ADAMTSL3: variants seen among roughly 807,000 people sequenced by gnomAD.
The protein encoded by ADAMTSL3 is ADAMTS like 3, also known as ADAMTS-like protein 3.
Under a neutral mutation model 201.7 loss-of-function variants are expected in ADAMTSL3, and 128 were observed. The ratio of observed to expected loss-of-function variants is 0.63; its 90% CI spans 0.55 to 0.73. The LOEUF (loss-of-function observed/expected upper bound fraction) is 0.73. ADAMTSL3 is among the 30% of genes least tolerant of loss of function. ADAMTSL3 has a pLI of 0.00. For missense variants in ADAMTSL3, 1,990 were observed against 2,119.6 expected, an observed-to-expected ratio of 0.94 and a Z score of 1.20; for synonymous variants, 738 against 748.4, an observed-to-expected ratio of 0.99 and a Z score of 0.23.
At chr15:83,743,850 CAT>C (rs1413262894) in intron 3 of ADAMTSL3, among the ~76,000 whole-genome samples, 6 of 152,004 alleles carry the variant, frequency 3.9e-5, no homozygotes, top group Non-Finnish European at 8.8e-5. Context: ...TTCCTTAACT[CAT>C]ATATCTTTTT....
At chr15:83,869,198 T>A (rs1261870429) in intron 8 of ADAMTSL3, among the ~76,000 whole-genome samples, 15 of 152,234 alleles carry the variant, frequency 9.9e-5, no homozygotes, top group Admixed American at 6.5e-4. Context: ...ATTGCCTTAA[T>A]GCTCTTATTG....
At chr15:83,888,069 CT>C (rs1212817885) in intron 10 of ADAMTSL3, among the ~76,000 whole-genome samples, 1 of 152,160 alleles carries the variant, frequency 6.6e-6, no homozygotes, top group Non-Finnish European at 1.5e-5. Context: ...GGTGTTTCTC[CT>C]ACTTGGGTGC....
At chr15:83,898,046 TTTCCAGCTCC>T in intron 14 of ADAMTSL3, 41 bp downstream of exon 14, 1 of 1,557,494 alleles carries the variant, frequency 6.4e-7, no homozygotes, top group Non-Finnish European at 8.7e-7. Context: ...CAAATGGTAT[TTTCCAGCTCC>T]CATTCCAATA....
At chr15:83,680,642 A>G (rs75549342) in intron 2 of ADAMTSL3, among the ~76,000 whole-genome samples, 10,661 of 151,532 alleles carry the variant, frequency 0.07, 584 homozygotes, top group East Asian at 0.18. Context: ...GTACTGTTTA[A>G]TCATCTTTTA....
chr15:83,690,990 A>G (rs979267348), intron 2 of ADAMTSL3, among the ~76,000 whole-genome samples: 1 of 152,130 alleles, frequency 6.6e-6, no homozygotes, highest in African/African-American at 2.4e-5. Context: ...CTAGGGTTCA[A>G]TGTTGATTCT....
At chr15:83,763,756 T>C (rs1027499836) in intron 3 of ADAMTSL3, among the ~76,000 whole-genome samples, 3 of 152,138 alleles carry the variant, frequency 2.0e-5, no homozygotes, top group South Asian at 2.1e-4. Context: ...CCGCCCGCCT[T>C]GGCCTCCCAA....
chr15:83,677,681 A>G (rs909121067), intron 2 of ADAMTSL3, among the ~76,000 whole-genome samples: 3 of 151,960 alleles, frequency 2.0e-5, no homozygotes, highest in Admixed American at 1.3e-4. Context: ...TCTTATAGAG[A>G]GCATATGGTT....
At chr15:83,942,575 C>T in intron 17 of ADAMTSL3, 21 bp from the exon 18 acceptor site, 1 of 1,603,668 alleles carries the variant, frequency 6.2e-7, no homozygotes, top group East Asian at 2.2e-5. Flanking sequence ...TTCAACTTTC[C>T]CCACTTGTTT....
chr15:83,736,673 A>C (rs2062373496), intron 3 of ADAMTSL3, among the ~76,000 whole-genome samples: 1 of 152,216 alleles, frequency 6.6e-6, no homozygotes, highest in Non-Finnish European at 1.5e-5. Flanking sequence ...GTTGGAGCTG[A>C]GCAGTGCATG....
intron 20 of ADAMTSL3, among the ~76,000 whole-genome samples, chr15:83,981,022 A>T (rs1331905742): frequency 1.3e-5 from 2 of 152,246 alleles, no homozygotes; most frequent in African/African-American, 2.4e-5. Flanking sequence ...TCCCCATTGC[A>T]TGACCTTCTA....
chr15:83,891,491 G>C, intron 12 of ADAMTSL3, 112 bp downstream of exon 12: 1 of 872,680 alleles, frequency 1.1e-6, no homozygotes, highest in Non-Finnish European at 1.8e-6. Flanking sequence ...ATACTTTATA[G>C]AGCTAAGGGA....
intron 2 of ADAMTSL3, among the ~76,000 whole-genome samples, chr15:83,688,514 A>G (rs191673416): frequency 7.8e-5 from 11 of 140,244 alleles, no homozygotes; most frequent in African/African-American, 2.7e-4. Context: ...TTGATAACAG[A>G]CTCTTTTTTT....
At chr15:83,782,509 A>C (rs1596198173) in intron 4 of ADAMTSL3, among the ~76,000 whole-genome samples, 2 of 152,266 alleles carry the variant, frequency 1.3e-5, no homozygotes, top group East Asian at 3.9e-4. Flanking sequence ...GGATAAAGAA[A>C]ATGTGGTACA....
rs144185884 is a variant in ADAMTSL3, at chr15:83,896,715, C to T, written c.1468-1143C>T. 1.2e-3 allele frequency among the ~76,000 whole-genome samples: 186 copies of T among 151,872 alleles called. 1 individual carries two copies. Among genetic ancestry groups the T allele is most frequent in the African/African-American group, 4.1e-3 (169 of 41,388 alleles). ...TATAGTCTATCAATTTTTTTTAATGCGTACATATATACACTCCCCAACATG... is the reference window on the plus strand; with the variant it reads ...TATAGTCTATCAATTTTTTTTAATGTGTACATATATACACTCCCCAACATG... On this transcript the variant is annotated intron_variant, in intron 13 of 29. Coordinates refer to ENST00000286744, the MANE Select transcript of ADAMTSL3 (RefSeq NM_207517.3).
At chr15:83,965,504 C>T (rs976502207) in intron 19 of ADAMTSL3, among the ~76,000 whole-genome samples, 1 of 152,124 alleles carries the variant, frequency 6.6e-6, no homozygotes, top group Admixed American at 6.5e-5. Flanking sequence ...TATACATGCA[C>T]CCAATACAGG....
chr15:84,035,356 T>C (rs1161074742), intron 28 of ADAMTSL3, among the ~76,000 whole-genome samples: 1 of 152,232 alleles, frequency 6.6e-6, no homozygotes, highest in Non-Finnish European at 1.5e-5. Context: ...ATATATTATT[T>C]GAATATTTGT....
chr15:83,668,157 C>G (rs929319452), intron 2 of ADAMTSL3, among the ~76,000 whole-genome samples: 2 of 151,730 alleles, frequency 1.3e-5, no homozygotes, highest in Admixed American at 1.3e-4. Context: ...ATACACCCAA[C>G]AAGATGAAAT....
At chr15:83,825,372 A>C (rs2141937984) in intron 6 of ADAMTSL3, among the ~76,000 whole-genome samples, 1 of 152,310 alleles carries the variant, frequency 6.6e-6, no homozygotes, top group South Asian at 2.1e-4. Flanking sequence ...ACACTTTGGG[A>C]GGCCAAGACA....
In ADAMTSL3 at chr15:83,970,407, C is replaced by G. The variant is rs991158642; in HGVS notation, c.2491-77C>G. ...ACTGAAAATTTCCTCTTGTTTCACC[C>G]TTGGAGACTTTGCTGTTGTTGGCTG... On this transcript the variant is annotated intron_variant, in intron 19 of 29. Transcript: ENST00000286744. The G allele has an allele frequency of 2.2e-5, 34 of 1,560,750 alleles. No individual in the cohort carries two copies. In the African/African-American group the frequency reaches 4.1e-4, roughly 19 times the overall value.
Sources: allele counts gnomAD v4.1 joint callset (sites outside exome capture counted in the v4.1 genomes callset), GRCh38; gene constraint gnomAD v4.1.1; transcripts MANE v1.5; gene names NCBI Gene and HGNC (gene_info 2026-07-23, HGNC 2026-07-21).